Variants in PCDHGA2 observed in about 807,000 individuals in gnomAD.
The protein encoded by PCDHGA2 is protocadherin gamma-A2.
A neutral mutation model predicts 59.2 loss-of-function variants in PCDHGA2; 40 were observed. That is an observed-to-expected ratio of 0.68 (90% CI 0.52 to 0.88). The LOEUF (loss-of-function observed/expected upper bound fraction) is 0.88, where lower values mean the gene tolerates loss of function less well. PCDHGA2 is among the 40% of genes least tolerant of loss of function. The probability of loss-of-function intolerance (pLI) is 0.00; values close to 1 mark genes in which losing one functional copy is unlikely to be tolerated. For missense variants in PCDHGA2, 1,226 were observed against 1,204.0 expected (o/e 1.02, Z -0.27); for synonymous variants, 560 against 526.0 (o/e 1.06, Z -0.89).
At chr5:141,395,633 G>T (rs1448678453) in intron 1 of PCDHGA2, 1 of 179,296 alleles carries the variant, frequency 5.6e-6, no homozygotes, top group African/African-American at 2.4e-5. Context: ...GAAGTCTAAA[G>T]CCTTGTTATT....
chr5:141,428,124 C>T, intron 1 of PCDHGA2: 1 of 1,605,400 alleles, frequency 6.2e-7, no homozygotes, highest in South Asian at 1.1e-5. Context: ...CGAGCCCGGG[C>T]TTTTCAGCCT....
At position 141,389,010 on chromosome 5, in the gene PCDHGA2, C is replaced by G. The variant is rs141101630; in HGVS notation, c.2424+47615C>G. ...CAAAGTCCGTGACAAGGATTCCAGA[C>G]ACAATGGAGAAGTGACTTGTAAATT... On this transcript the variant is annotated intron_variant, in intron 1 of 3. Transcript: ENST00000394576. 227 of 1,613,980 alleles carry G rather than the reference C, an allele frequency of 1.4e-4. 1 individual carries two copies. In the African/African-American group the frequency reaches 2.6e-3, roughly 18 times the overall value.
intron 2 of PCDHGA2, among the ~76,000 whole-genome samples, chr5:141,496,903 A>G (rs990378360): frequency 1.1e-4 from 16 of 150,744 alleles, no homozygotes; most frequent in Non-Finnish European, 2.4e-4. Flanking sequence ...AAAAAAAAAA[A>G]GGCTGGGCAC....
chr5:141,383,541 C>T lies in PCDHGA2; in HGVS notation c.2424+42146C>T, dbSNP rs1197504109. 4 of 1,612,656 alleles carry T rather than the reference C, an allele frequency of 2.5e-6. No individual in the cohort carries two copies. In the East Asian group the frequency reaches 6.7e-5, roughly 27 times the overall value. ...GGGTTCACCACCTGGTCCTCACAGC[C>T]TCTGATGGCGGCGACCCGCCCCGAT... On this transcript the variant is annotated intron_variant, in intron 1 of 3. Coordinates refer to ENST00000394576, the MANE Select transcript of PCDHGA2 (RefSeq NM_018915.4).
intron 1 of PCDHGA2, chr5:141,384,384 C>G: frequency 6.2e-7 from 1 of 1,613,934 alleles, no homozygotes; most frequent in African/African-American, 1.3e-5. Flanking sequence ...CCGAAGACAC[C>G]ATCCAGGGGG....
chr5:141,477,536 G>T lies in PCDHGA2; in HGVS notation c.2425-17271G>T. 1.2e-6 allele frequency: 2 copies of T among 1,614,076 alleles called. No homozygotes were observed. Among genetic ancestry groups the T allele is most frequent in the Non-Finnish European group, 1.7e-6 (2 of 1,180,018 alleles). ...CATTGAAGAAAACAACCTCCCCGGG[G>T]CTCCAATACTAAACCTAAGTGTCTG... On this transcript the variant is annotated intron_variant, in intron 1 of 3. Coordinates refer to ENST00000394576, the MANE Select transcript of PCDHGA2 (RefSeq NM_018915.4). The surrounding 1 kb of genome is among the most constrained non-coding windows in gnomAD (Gnocchi z 4.9).
At chr5:141,483,700 T>C (rs1003495517) in intron 1 of PCDHGA2, among the ~76,000 whole-genome samples, 4 of 152,090 alleles carry the variant, frequency 2.6e-5, no homozygotes, top group Admixed American at 2.6e-4. Context: ...ATTCCTCTTT[T>C]TGACACCAGA....
At chr5:141,364,994 C>A (rs1469218354) in intron 1 of PCDHGA2, 1 of 1,613,924 alleles carries the variant, frequency 6.2e-7, no homozygotes, top group South Asian at 1.1e-5. Context: ...AGACCCGGTA[C>A]TCTCCGGCAC....
chr5:141,395,558 G>C (rs60237573), intron 1 of PCDHGA2: 1 of 127,872 alleles, frequency 7.8e-6, no homozygotes, highest in Non-Finnish European at 1.4e-5. Flanking sequence ...GTGTGTGTGT[G>C]TGTGTGTGTG....
intron 1 of PCDHGA2, chr5:141,375,488 G>A: frequency 6.2e-7 from 1 of 1,613,976 alleles, no homozygotes; most frequent in East Asian, 2.2e-5. Flanking sequence ...CCCCAGGGGT[G>A]CCTCCATCTT....
In PCDHGA2 at chr5:141,432,536, G is replaced by A. The variant is rs767744134; in HGVS notation, c.2425-62271G>A. 6.2e-7 allele frequency: 1 copy of A among 1,614,050 alleles called. No individual in the cohort carries two copies. Among genetic ancestry groups the A allele is most frequent in the Non-Finnish European group, 8.5e-7 (1 of 1,180,006 alleles). On this transcript the variant is annotated intron_variant, in intron 1 of 3. Coordinates refer to ENST00000394576, the MANE Select transcript of PCDHGA2 (RefSeq NM_018915.4). This position sits in a 1 kb window ranked among gnomAD's most constrained non-coding sequence, Gnocchi z 6.0. ...CGGCTACCTGGTGACCAAGGTGGTG[G>A]CGGTGGACAGAGACTCCGGCCAGAA...
chr5:141,491,837 G>A lies in PCDHGA2; in HGVS notation c.2425-2970G>A, dbSNP rs1404051857. The A allele has an allele frequency of 1.4e-6, 2 of 1,472,862 alleles. No individual in the cohort carries two copies. The highest frequency in any genetic ancestry group is 1.8e-6 in the Non-Finnish European group (2 of 1,111,878). The allele number at this position is 1,472,862 out of a possible 1,614,324, so 91.2% of individuals were successfully genotyped here. A position where few individuals can be genotyped will look rare whatever the true frequency, so the allele number is the denominator to read the frequency against. ...TGGCTGCGCTCCACCCGATTCTCGG[G>A]ATCATTGGACCGTTTGCGCGAAACC... On this transcript the variant is annotated intron_variant, in intron 1 of 3. Transcript: ENST00000394576. The surrounding 1 kb of genome is among the most constrained non-coding windows in gnomAD (Gnocchi z 6.9).
In PCDHGA2 at chr5:141,381,798, C is replaced by CTCTTTCTTTCTTTCTT. The variant is rs372235829; in HGVS notation, c.2424+40412_2424+40427dup. On this transcript the variant is annotated intron_variant, in intron 1 of 3. Coordinates refer to ENST00000394576, the MANE Select transcript of PCDHGA2 (RefSeq NM_018915.4). Reference sequence around the variant, plus strand: ...ATCAGGAACAAGGCAAGGCAATTCCCTCTTTCTTTCTTTCTTTCTTTCTTC... The same window carrying CTCTTTCTTTCTTTCTT: ...ATCAGGAACAAGGCAAGGCAATTCCCTCTTTCTTTCTTTCTTTCTTTCTTTCTTTCTTTCTTTCTTC... Among the ~76,000 whole-genome samples, 49 of 144,164 alleles carry CTCTTTCTTTCTTTCTT rather than the reference C, an allele frequency of 3.4e-4. 1 individual carries two copies. The highest frequency in any genetic ancestry group is 1.3e-3 in the African/African-American group (47 of 37,522). The allele number at this position is 144,164 out of a possible 152,430, so 94.6% of individuals were successfully genotyped here. A position where few individuals can be genotyped will look rare whatever the true frequency, so the allele number is the denominator to read the frequency against.
At chr5:141,460,981 G>GTATA (rs1491204135) in intron 1 of PCDHGA2, among the ~76,000 whole-genome samples, 10 of 121,884 alleles carry the variant, frequency 8.2e-5, no homozygotes, top group African/African-American at 3.1e-4. Context: ...GTGTGTGTGT[G>GTATA]TGTATATATA....
At chr5:141,372,420 A>G (rs765908055) in intron 1 of PCDHGA2, 1 of 1,614,042 alleles carries the variant, frequency 6.2e-7, no homozygotes, top group Admixed American at 1.7e-5. Context: ...ACCTGACCTT[A>G]GCGACCGCCC....
intron 1 of PCDHGA2, chr5:141,345,485 C>T: frequency 6.2e-7 from 1 of 1,614,174 alleles, no homozygotes; most frequent in Non-Finnish European, 8.5e-7. Flanking sequence ...GCAACAACAA[C>T]GCCCGCATCA....
At chr5:141,430,638 G>A in intron 1 of PCDHGA2, 1 of 898,338 alleles carries the variant, frequency 1.1e-6, no homozygotes, top group Non-Finnish European at 1.6e-6. Flanking sequence ...CCATCCCTGG[G>A]AGTATGTGGA....
intron 1 of PCDHGA2, chr5:141,417,718 G>A: frequency 7.7e-7 from 1 of 1,304,720 alleles, no homozygotes; most frequent in Non-Finnish European, 1.0e-6. Flanking sequence ...GCTCCCGGCT[G>A]CGCAGACCTT....
intron 1 of PCDHGA2, among the ~76,000 whole-genome samples, chr5:141,349,304 A>G (rs1417210501): frequency 6.6e-6 from 1 of 152,112 alleles, no homozygotes; most frequent in Non-Finnish European, 1.5e-5. Context: ...TCCTGACCTC[A>G]TGTGTTCTTC....
Sources: allele counts gnomAD v4.1 joint callset (sites outside exome capture counted in the v4.1 genomes callset), GRCh38; gene constraint gnomAD v4.1.1; non-coding constraint Gnocchi (gnomAD v3.1); transcripts MANE v1.5; gene names NCBI Gene and HGNC (gene_info 2026-07-23, HGNC 2026-07-21).